Variants in RNF150 observed in about 807,000 individuals in gnomAD.
The protein encoded by RNF150 is ring finger protein 150.
RNF150 carries 24 observed loss-of-function variants against 39.3 expected under a neutral mutation model. The ratio of observed to expected loss-of-function variants is 0.61; its 90% confidence interval spans 0.44 to 0.86. RNF150 has a LOEUF of 0.86. Among genes scored for constraint, RNF150 ranks in the 40% least tolerant of loss-of-function variants. The pLI, the probability that RNF150 is intolerant of heterozygous loss-of-function variation, is 0.00. For missense variants in RNF150, 502 were observed against 587.8 expected, an observed-to-expected ratio of 0.85 and a Z score of 1.51; for synonymous variants, 255 against 227.3, an observed-to-expected ratio of 1.12 and a Z score of -1.10.
intron 1 of RNF150, among the ~76,000 whole-genome samples, chr4:141,193,171 C>G (rs780141042): frequency 7.2e-5 from 11 of 152,200 alleles, no homozygotes; most frequent in Non-Finnish European, 1.2e-4. Flanking sequence ...GCTGTAAGGA[C>G]AAGGGATTTT....
intron 2 of RNF150, among the ~76,000 whole-genome samples, chr4:140,953,521 G>T (rs200529457): frequency 1.5e-4 from 1 of 6,566 alleles, no homozygotes; most frequent in Admixed American, 2.6e-3. Context: ...TGTAATAAAA[G>T]ATTTTTTTTT....
At chr4:141,017,138 T>C (rs552857946) in intron 1 of RNF150, among the ~76,000 whole-genome samples, 1 of 152,182 alleles carries the variant, frequency 6.6e-6, no homozygotes, top group East Asian at 1.9e-4. Flanking sequence ...TTATCTCCAA[T>C]TGCTTGCTCC....
chr4:140,988,758 G>A (rs1325454677), intron 1 of RNF150, among the ~76,000 whole-genome samples: 2 of 150,754 alleles, frequency 1.3e-5, no homozygotes, highest in Non-Finnish European at 2.9e-5. Context: ...CAACCCAAAT[G>A]TCCAACAATG....
intron 6 of RNF150, among the ~76,000 whole-genome samples, chr4:140,906,525 G>A (rs193148269): frequency 1.4e-4 from 22 of 152,204 alleles, no homozygotes; most frequent in African/African-American, 4.8e-4. Flanking sequence ...TTCCCTGTGG[G>A]TATCAAGGGA....
intron 1 of RNF150, among the ~76,000 whole-genome samples, chr4:141,191,870 G>T (rs1230679918): frequency 2.0e-5 from 3 of 151,952 alleles, no homozygotes; most frequent in African/African-American, 4.8e-5. Context: ...AGCATATCCT[G>T]GTCCATTTCT....
intron 4 of RNF150, among the ~76,000 whole-genome samples, chr4:140,935,387 C>T (rs951287282): frequency 5.9e-5 from 9 of 151,848 alleles, no homozygotes; most frequent in East Asian, 1.9e-4. Flanking sequence ...CTAATTATAT[C>T]GTTTGGCTGG....
At chr4:140,935,186 A>G (rs554414523) in intron 4 of RNF150, among the ~76,000 whole-genome samples, 41 of 150,250 alleles carry the variant, frequency 2.7e-4, no homozygotes, top group African/African-American at 9.8e-4. Context: ...AAAACCAACA[A>G]CTTAAAAAAA....
intron 2 of RNF150, among the ~76,000 whole-genome samples, chr4:140,958,177 A>C (rs1249644847): frequency 6.6e-6 from 1 of 152,170 alleles, no homozygotes; most frequent in Non-Finnish European, 1.5e-5. Flanking sequence ...ATATGGGAGG[A>C]TGCGTTACAT....
chr4:141,172,170 C>T (rs1189674218), intron 1 of RNF150, among the ~76,000 whole-genome samples: 2 of 151,982 alleles, frequency 1.3e-5, no homozygotes, highest in Admixed American at 6.6e-5. Context: ...TGGGGCAGCT[C>T]GGTGGCTCTG....
intron 1 of RNF150, among the ~76,000 whole-genome samples, chr4:140,993,604 C>T (rs1291390301): frequency 6.6e-6 from 1 of 152,286 alleles, no homozygotes; most frequent in Non-Finnish European, 1.5e-5. Context: ...CCGGCATGGC[C>T]AGCTGTTTAT....
intron 1 of RNF150, among the ~76,000 whole-genome samples, chr4:141,207,700 C>T (rs558066911): frequency 1.5e-4 from 23 of 152,228 alleles, no homozygotes; most frequent in African/African-American, 5.1e-4. Flanking sequence ...TTCCAACCTA[C>T]GGAAGCTGTG....
chr4:140,883,786 G>T (rs1428586780), intron 6 of RNF150, among the ~76,000 whole-genome samples: 3 of 151,772 alleles, frequency 2.0e-5, no homozygotes, highest in African/African-American at 7.3e-5. Context: ...CATATTTAGA[G>T]CTCACTGAAC....
At chr4:140,921,655 G>C (rs181073225) in intron 5 of RNF150, among the ~76,000 whole-genome samples, 5 of 152,200 alleles carry the variant, frequency 3.3e-5, no homozygotes, top group African/African-American at 4.8e-5. Context: ...GCCTGGCAGA[G>C]ACACAACCAA....
chr4:140,933,437 T>C (rs560370367), intron 4 of RNF150, among the ~76,000 whole-genome samples: 1 of 152,280 alleles, frequency 6.6e-6, no homozygotes, highest in East Asian at 1.9e-4. Context: ...TCAAAGGAAA[T>C]GCTCACTGCA....
At chr4:141,201,015 C>T (rs1284633877) in intron 1 of RNF150, among the ~76,000 whole-genome samples, 2 of 152,054 alleles carry the variant, frequency 1.3e-5, no homozygotes, top group African/African-American at 4.8e-5. Flanking sequence ...AATTCACTTG[C>T]CCACAGAAAC....
intron 6 of RNF150, among the ~76,000 whole-genome samples, chr4:140,910,705 GT>G (rs5862506): frequency 0.54 from 81,147 of 149,248 alleles, 22,732 homozygotes; most frequent in Non-Finnish European, 0.63. Flanking sequence ...CGGGGCTCCA[GT>G]GTGTGTGTGT....
intron 1 of RNF150, among the ~76,000 whole-genome samples, chr4:141,167,070 T>C (rs1727617480): frequency 6.6e-6 from 1 of 152,058 alleles, no homozygotes; most frequent in African/African-American, 2.4e-5. Context: ...CAAATCTCCT[T>C]AAGCTGATAA....
intron 1 of RNF150, among the ~76,000 whole-genome samples, chr4:141,193,284 T>C (rs1243414636): frequency 6.6e-6 from 1 of 152,224 alleles, no homozygotes; most frequent in Non-Finnish European, 1.5e-5. Context: ...GACACATCTG[T>C]TTGGTTTGTG....
intron 1 of RNF150, among the ~76,000 whole-genome samples, chr4:141,115,727 C>T (rs556052713): frequency 2.0e-5 from 3 of 152,262 alleles, no homozygotes; most frequent in African/African-American, 7.2e-5. Context: ...CACCATTTTA[C>T]CTGACCTCAA....
Sources: allele counts gnomAD v4.1 joint callset (sites outside exome capture counted in the v4.1 genomes callset), GRCh38; gene constraint gnomAD v4.1.1; transcripts MANE v1.5; gene names NCBI Gene and HGNC (gene_info 2026-07-23, HGNC 2026-07-21).